LOC102723971: variants seen among roughly 807,000 people sequenced by gnomAD.
the LOC102723971 span, among the ~76,000 whole-genome samples, chr9:135,615,818 C>T: frequency 6.6e-6 from 1 of 152,214 alleles, no homozygotes; most frequent in Non-Finnish European, 1.5e-5. Context: ...TCCCAACATC[C>T]CTCTCCCAAG....
At chr9:135,616,601 G>A in the LOC102723971 span, 35,003 of 398,650 alleles carry the variant, frequency 0.088, 1,681 homozygotes, top group South Asian at 0.16. Context: ...GAAGGGGTGT[G>A]TAAAGAAACA....
chr9:135,619,757 A>G, the LOC102723971 span, among the ~76,000 whole-genome samples: 2 of 152,058 alleles, frequency 1.3e-5, no homozygotes, highest in South Asian at 2.1e-4. Flanking sequence ...GCAGGCTCTG[A>G]GGAAATTGGG....
At chr9:135,618,051 A>G in the LOC102723971 span, 8 of 398,726 alleles carry the variant, frequency 2.0e-5, no homozygotes, top group East Asian at 2.1e-4. Context: ...GATGGTGAGC[A>G]CTGTCCCCCA....
chr9:135,614,712 G>T, the LOC102723971 span, among the ~76,000 whole-genome samples: 2 of 152,112 alleles, frequency 1.3e-5, no homozygotes, highest in African/African-American at 4.8e-5. Flanking sequence ...GGACCCAGCC[G>T]AGCAGGGGAG....
the LOC102723971 span, chr9:135,614,435 G>T: frequency 5.3e-6 from 2 of 379,750 alleles, no homozygotes; most frequent in Non-Finnish European, 4.6e-6. Context: ...GGGTGGGGCA[G>T]ACAGGGGGGT....
the LOC102723971 span, chr9:135,617,830 G>A: frequency 2.5e-6 from 1 of 396,024 alleles, no homozygotes; most frequent in Non-Finnish European, 4.4e-6. Context: ...CAACTTAGTG[G>A]TGGGGTGGCC....
chr9:135,618,158 T>A, the LOC102723971 span: 1 of 395,604 alleles, frequency 2.5e-6, no homozygotes, highest in Non-Finnish European at 4.5e-6. Context: ...CGCACTCCCC[T>A]TACGGCCAGG....
chr9:135,618,951 G>A, the LOC102723971 span: 1 of 399,876 alleles, frequency 2.5e-6, no homozygotes, highest in East Asian at 3.6e-5. Flanking sequence ...CCCCCACCCT[G>A]AGCCTAGGTC....
the LOC102723971 span, chr9:135,618,039 TAG>T: frequency 2.5e-6 from 1 of 398,508 alleles, no homozygotes; most frequent in Non-Finnish European, 4.4e-6. Context: ...GTCTTCAACA[TAG>T]ATGGTGAGCA....
At chr9:135,619,884 A>T in the LOC102723971 span, among the ~76,000 whole-genome samples, 5 of 12,516 alleles carry the variant, frequency 4.0e-4, no homozygotes, top group Admixed American at 9.8e-4. Flanking sequence ...CCTTCTCCCC[A>T]ATCTCCCCCG....
chr9:135,614,480 C>A, the LOC102723971 span: 75 of 396,506 alleles, frequency 1.9e-4, no homozygotes, highest in Non-Finnish European at 3.0e-4. Flanking sequence ...CCTGCAGCAG[C>A]TCTGGAGGGT....
the LOC102723971 span, chr9:135,615,302 G>A: frequency 1.8e-5 from 7 of 397,224 alleles, no homozygotes; most frequent in African/African-American, 4.1e-5. Flanking sequence ...TGCATGTGGA[G>A]GGAGTGCCAC....
At chr9:135,618,110 C>T in the LOC102723971 span, 9 of 398,352 alleles carry the variant, frequency 2.3e-5, no homozygotes, top group Middle Eastern at 6.3e-4. Flanking sequence ...TCTGGGGCCT[C>T]GTCTTCCCAG....
chr9:135,614,219 C>A, the LOC102723971 span: 4 of 398,418 alleles, frequency 1.0e-5, no homozygotes, highest in African/African-American at 8.2e-5. Flanking sequence ...TGGCTAGGGA[C>A]GCTCCCCCTT....
the LOC102723971 span, among the ~76,000 whole-genome samples, chr9:135,616,300 G>C: frequency 3.3e-5 from 5 of 152,148 alleles, no homozygotes; most frequent in African/African-American, 7.2e-5. Flanking sequence ...AGGAGGCTTG[G>C]TGTCATCCCA....
chr9:135,618,173 T>C, the LOC102723971 span: 4 of 395,130 alleles, frequency 1.0e-5, no homozygotes, highest in Non-Finnish European at 4.5e-6. Flanking sequence ...GCCAGGCCTG[T>C]GCCGGCTGCT....
At chr9:135,616,034 G>A in the LOC102723971 span, among the ~76,000 whole-genome samples, 162 of 152,322 alleles carry the variant, frequency 1.1e-3, no homozygotes, top group Non-Finnish European at 1.5e-3. Context: ...ACGCTCAGTC[G>A]TAGACACACC....
the LOC102723971 span, chr9:135,614,383 G>A: frequency 1.4e-4 from 57 of 397,858 alleles, 1 homozygote; most frequent in Middle Eastern, 3.1e-3. Context: ...CCAGACTCAG[G>A]CCTGGAACAA....
At chr9:135,614,221 C>G in the LOC102723971 span, 1 of 398,476 alleles carries the variant, frequency 2.5e-6, no homozygotes, top group Admixed American at 4.4e-5. Context: ...GCTAGGGACG[C>G]TCCCCCTTCC....
Sources: allele counts gnomAD v4.1 joint callset (sites outside exome capture counted in the v4.1 genomes callset), GRCh38; gene constraint gnomAD v4.1.1; transcripts MANE v1.5.